Variants in C2CD2 observed in about 807,000 individuals in gnomAD.
The protein encoded by C2CD2 is C2 calcium dependent domain containing 2.
C2CD2 carries 43 observed loss-of-function variants against 74.3 expected under a neutral mutation model. The observed-to-expected ratio is 0.58, with a 90% CI of 0.45 to 0.75. The LOEUF is 0.75. Ranked by LOEUF, C2CD2 falls within the 30% of genes least tolerant of loss-of-function variation. C2CD2 has a pLI of 0.00. For synonymous variants in C2CD2, 422 were observed against 390.7 expected, an observed-to-expected ratio of 1.08 and a Z score of -0.94; for missense variants, 801 against 916.3, an observed-to-expected ratio of 0.87 and a Z score of 1.63.
intron 2 of C2CD2, among the ~76,000 whole-genome samples, chr21:41,925,726 GC>G (rs1434734788): frequency 7.9e-5 from 12 of 152,190 alleles, no homozygotes; most frequent in Admixed American, 2.6e-4. Context: ...CAGTGGCAGG[GC>G]CCCCACGGGC....
rs1047794426 is a variant in C2CD2, at chr21:41,929,174, G to A, written c.379-7089C>T. ...CATGGTTTATTTTGTGCTGTGGTTG[G>A]AGCTAGATTCTGGAGGCCAAATGAG... On this transcript the variant is annotated intron_variant, in intron 2 of 13. Transcript: ENST00000380486. This position sits in a 1 kb window ranked among gnomAD's most constrained non-coding sequence, Gnocchi z 4.6. 5.3e-5 allele frequency among the ~76,000 whole-genome samples: 8 copies of A among 152,120 alleles called. No homozygotes were observed. Among genetic ancestry groups the A allele is most frequent in the African/African-American group, 1.9e-4 (8 of 41,414 alleles).
rs1601563568 is a variant in C2CD2 at position 41,907,579 on chromosome 21, A to G, written c.1143+81T>C. ...TATTTCACACAGAGGCAGGAGTGAGACTCTGCAGACATAAGTGAAGACGCT... is the reference window on the plus strand; with the variant it reads ...TATTTCACACAGAGGCAGGAGTGAGGCTCTGCAGACATAAGTGAAGACGCT... On this transcript the variant is annotated intron_variant, in intron 9 of 13. Transcript: ENST00000380486. The G allele has an allele frequency of 6.2e-6, 9 of 1,451,424 alleles. No individual in the cohort carries two copies. The South Asian group carries it at 1.1e-4, about 18-fold the overall frequency. The allele number at this position is 1,451,424 out of a possible 1,614,324, so 89.9% of individuals were successfully genotyped here. A position where few individuals can be genotyped will look rare whatever the true frequency, so the allele number is the denominator to read the frequency against.
chr21:41,948,242 C>A (rs1243063216), intron 1 of C2CD2, among the ~76,000 whole-genome samples: 1 of 152,244 alleles, frequency 6.6e-6, no homozygotes, highest in African/African-American at 2.4e-5. Context: ...CCTCCAGAGG[C>A]CCATGATTCA....
In C2CD2 at chr21:41,905,801, ATCACCT is replaced by A; in HGVS notation, c.1349_1354del (p.Lys450_Val451del). 1 of 1,610,512 alleles carries A rather than the reference ATCACCT, an allele frequency of 6.2e-7. No homozygotes were observed. Among genetic ancestry groups the A allele is most frequent in the Non-Finnish European group, 8.5e-7 (1 of 1,176,656 alleles). On this transcript the variant is annotated inframe_deletion, in exon 11 of 14. Transcript: ENST00000380486. ...GGCCTGGACAGAGATGTCCTTCTCG[ATCACCT>A]TCACCTTGATGGGAGTCTTCACCGG...
chr21:41,914,644 C>T lies in C2CD2; in HGVS notation c.798G>A (p.Leu266=). 2.5e-6 allele frequency: 4 copies of T among 1,613,910 alleles called. No individual in the cohort carries two copies. The highest frequency in any genetic ancestry group is 3.4e-6 in the Non-Finnish European group (4 of 1,179,810). Residue 266 remains leucine (L), a synonymous_variant, in exon 6 of 14, where the codon CTG becomes CTA. Coordinates refer to ENST00000380486, the MANE Select transcript of C2CD2 (RefSeq NM_015500.2). Reference sequence around the variant, plus strand: ...GCAGCAAGACGTGGATGTTCCTCACCAGTAGCTTCAGCTCGTGAGCCCTTG... The same window carrying T: ...GCAGCAAGACGTGGATGTTCCTCACTAGTAGCTTCAGCTCGTGAGCCCTTG... The part of the protein sequence containing the change: ...KPPRAHELKL[L]VRNIHVLLLS...
In C2CD2 at chr21:41,938,621, G is replaced by C. The variant is rs148491702; in HGVS notation, c.378+3526C>G. On this transcript the variant is annotated intron_variant, in intron 2 of 13. Coordinates refer to ENST00000380486, the MANE Select transcript of C2CD2 (RefSeq NM_015500.2). Reference sequence around the variant, plus strand: ...TGTCTCTCTGAATCAGGCTACTCTAGGGACCACTAAGAAGTGGACTCATAC... The same window carrying C: ...TGTCTCTCTGAATCAGGCTACTCTACGGACCACTAAGAAGTGGACTCATAC... Among the ~76,000 whole-genome samples, 434 of 152,224 alleles carry C rather than the reference G, an allele frequency of 2.9e-3. 5 individuals are homozygous for C. The highest frequency in any genetic ancestry group is 7.9e-3 in the African/African-American group (330 of 41,538).
intron 7 of C2CD2, 99 bp downstream of exon 7, chr21:41,912,233 T>A (rs1013252143): frequency 9.3e-6 from 6 of 648,418 alleles, no homozygotes; most frequent in Non-Finnish European, 1.7e-5. Context: ...TTTGGTTTAG[T>A]GTTTTAGCCT....
At position 41,918,865 on chromosome 21, in the gene C2CD2, T is replaced by G; in HGVS notation, c.588A>C (p.Ala196=). 1 of 1,613,490 alleles carries G rather than the reference T, an allele frequency of 6.2e-7. No homozygotes were observed. Among genetic ancestry groups the G allele is most frequent in the Non-Finnish European group, 8.5e-7 (1 of 1,179,424 alleles). The change falls in exon 4 of 14, where the codon GCA becomes GCC. Residue 196 remains alanine (A), a synonymous_variant. Transcript: ENST00000380486. ...PEMAVNIQPK[A]LGEDQVAETS... is the part of the protein sequence containing the mutation. Reference sequence around the variant, plus strand: ...AAACTTACGGACTGACCTCCCCCAGTGCTTTGGGCTGGATATTAACGGCCA... The same window carrying G: ...AAACTTACGGACTGACCTCCCCCAGGGCTTTGGGCTGGATATTAACGGCCA...
At position 41,899,229 on chromosome 21, in the gene C2CD2, G is replaced by A; in HGVS notation, c.1694C>T (p.Ser565Leu). The A allele has an allele frequency of 1.2e-6, 2 of 1,612,496 alleles. No individual in the cohort carries two copies. The highest frequency in any genetic ancestry group is 1.7e-6 in the Non-Finnish European group (2 of 1,179,642). The change falls in exon 13 of 14, where the codon TCA (serine) becomes TTA (leucine). Residue 565 changes from serine (S) to leucine (L), a missense_variant. Ser to Leu is a moderately radical substitution (Grantham distance 145, BLOSUM62 -2). Coordinates refer to ENST00000380486, the MANE Select transcript of C2CD2 (RefSeq NM_015500.2). The surrounding 1 kb of genome is among the most constrained non-coding windows in gnomAD (Gnocchi z 4.4). ...AASAPPEEAE[S>L]AQASLAPKPQ... is the part of the protein sequence containing the mutation. Reference sequence around the variant, plus strand: ...CTTGGGGGCAAGGGATGCCTGGGCTGACTCGGCTTCCTCTGGCGGGGCAGA... The same window carrying A: ...CTTGGGGGCAAGGGATGCCTGGGCTAACTCGGCTTCCTCTGGCGGGGCAGA...
intron 1 of C2CD2, among the ~76,000 whole-genome samples, chr21:41,950,738 G>T (rs1054036782): frequency 4.6e-5 from 7 of 152,206 alleles, no homozygotes; most frequent in African/African-American, 1.7e-4. Flanking sequence ...GAAGGGGCTT[G>T]GCTAGAAGAG....
chr21:41,899,462 T>A lies in C2CD2; in HGVS notation c.1561-100A>T. The A allele has an allele frequency of 4.3e-6, 5 of 1,157,332 alleles. No homozygotes were observed. Among genetic ancestry groups the A allele is most frequent in the Non-Finnish European group, 6.1e-6 (5 of 819,790 alleles). The allele number at this position is 1,157,332 out of a possible 1,614,324, so 71.7% of individuals were successfully genotyped here. On this transcript the variant is annotated intron_variant, in intron 12 of 13. Coordinates refer to ENST00000380486, the MANE Select transcript of C2CD2 (RefSeq NM_015500.2). The surrounding 1 kb of genome is among the most constrained non-coding windows in gnomAD (Gnocchi z 4.4). Reference sequence around the variant, plus strand: ...TCTCCAAAACATTCTGACAGCTGATTTCAAAGTCTCAGAAGATGCAGCCGT... The same window carrying A: ...TCTCCAAAACATTCTGACAGCTGATATCAAAGTCTCAGAAGATGCAGCCGT...
chr21:41,900,147 G>A lies in C2CD2; in HGVS notation c.1561-785C>T, dbSNP rs559297412. Among the ~76,000 whole-genome samples, 261 of 152,056 alleles carry A rather than the reference G, an allele frequency of 1.7e-3. 2 individuals carry two copies. Among genetic ancestry groups the A allele is most frequent in the Middle Eastern group, 6.8e-3 (2 of 294 alleles). On this transcript the variant is annotated intron_variant, in intron 12 of 13. Transcript: ENST00000380486. ...AAATTAGCTGGTCGTAGTGGCGGGC[G>A]CCTGTACTCCCAGCTACTCAGGAGG...
In C2CD2 at chr21:41,903,021, C is replaced by G. The variant is rs970984099; in HGVS notation, c.1433-1272G>C. 4.6e-5 allele frequency among the ~76,000 whole-genome samples: 7 copies of G among 152,140 alleles called. No homozygotes were observed. Among genetic ancestry groups the G allele is most frequent in the Admixed American group, 6.5e-5 (1 of 15,282 alleles). ...AATCACCAAAGGCCAATAAGTGAAT[C>G]AATCATGCCTACATACCTACTTATA... On this transcript the variant is annotated intron_variant, in intron 11 of 13. Coordinates refer to ENST00000380486, the MANE Select transcript of C2CD2 (RefSeq NM_015500.2). The surrounding 1 kb of genome is among the most constrained non-coding windows in gnomAD (Gnocchi z 4.5).
rs1488759758 is a variant in C2CD2 at position 41,887,159 on chromosome 21, G to C, written c.*1965C>G. On this transcript the variant is annotated 3_prime_UTR_variant, in exon 14 of 14. Transcript: ENST00000380486. ...GCCTCTTTTTACCACATGGCAAAGA[G>C]CAGTAAAACTTCAAGTAAAACATTA... 6.6e-6 allele frequency: 1 copy of C among 152,142 alleles called. No homozygotes were observed. The highest frequency in any genetic ancestry group is 2.4e-5 in the African/African-American group (1 of 41,408). 9.4% of individuals were successfully genotyped at this position (152,142 alleles called of 1,614,324 possible). A position where few individuals can be genotyped will look rare whatever the true frequency, so the allele number is the denominator to read the frequency against.
chr21:41,918,941 T>C lies in C2CD2; in HGVS notation c.512A>G (p.Glu171Gly). 6.2e-7 allele frequency: 1 copy of C among 1,613,888 alleles called. No homozygotes were observed. The highest frequency in any genetic ancestry group is 8.5e-7 in the Non-Finnish European group (1 of 1,179,722). Reference sequence around the variant, plus strand: ...GCTAATCTGGAGGTCCTCTCTCTTCTCCTTCATGTGGAACTCCAGCTATTA... The same window carrying C: ...GCTAATCTGGAGGTCCTCTCTCTTCCCCTTCATGTGGAACTCCAGCTATTA... ...FHLQLEFHMK[E>G]KREDLQISWS... Residue 171 changes from glutamate to glycine, a missense_variant, in exon 4 of 14, where the codon GAG (glutamate) becomes GGG (glycine). Coordinates refer to ENST00000380486, the MANE Select transcript of C2CD2 (RefSeq NM_015500.2).
At chr21:41,947,827 G>C (rs2065414496) in intron 1 of C2CD2, among the ~76,000 whole-genome samples, 1 of 152,170 alleles carries the variant, frequency 6.6e-6, no homozygotes, top group Non-Finnish European at 1.5e-5. Flanking sequence ...AGCTAGGAGG[G>C]TAGAGCTGGA....
At chr21:41,948,970 C>T (rs544013086) in intron 1 of C2CD2, among the ~76,000 whole-genome samples, 1 of 137,902 alleles carries the variant, frequency 7.3e-6, no homozygotes, top group Non-Finnish European at 1.5e-5. Context: ...AAACCCTGGG[C>T]TGAAGGACTA....
chr21:41,914,042 A>G (rs1639970528), intron 6 of C2CD2, among the ~76,000 whole-genome samples: 1 of 152,140 alleles, frequency 6.6e-6, no homozygotes, highest in Non-Finnish European at 1.5e-5. Flanking sequence ...AGCCTGACCA[A>G]CATGGAGAAA....
At chr21:41,928,544 C>CAAAAAAAAAAAAAAAAAAAAAAAA (rs59346777) in intron 2 of C2CD2, among the ~76,000 whole-genome samples, 1 of 72,266 alleles carries the variant, frequency 1.4e-5, no homozygotes, top group African/African-American at 5.3e-5. Context: ...TAAAGCAAAG[C>CAAAAAAAAAAAAAAAAAAAAAAAA]AAAAAAAAAA....
Sources: allele counts gnomAD v4.1 joint callset (sites outside exome capture counted in the v4.1 genomes callset), GRCh38; gene constraint gnomAD v4.1.1; non-coding constraint Gnocchi (gnomAD v3.1); transcripts MANE v1.5; gene names NCBI Gene and HGNC (gene_info 2026-07-23, HGNC 2026-07-21).